ESRRA: variants seen among roughly 807,000 people sequenced by gnomAD.
The protein encoded by ESRRA is estrogen related receptor alpha, also known as steroid hormone receptor ERR1.
ESRRA carries 7 observed loss-of-function variants against 35.6 expected under a neutral mutation model. The ratio of observed to expected loss-of-function variants is 0.20; its 90% CI spans 0.11 to 0.37. The LOEUF (loss-of-function observed/expected upper bound fraction) is 0.37, where lower values mean the gene tolerates loss of function less well. Among genes scored for constraint, ESRRA ranks in the 10% least tolerant of loss-of-function variants. The pLI is 1.00. For missense variants in ESRRA, 378 were observed against 561.7 expected, an observed-to-expected ratio of 0.67 and a Z score of 3.31; for synonymous variants, 223 against 246.9, an observed-to-expected ratio of 0.90 and a Z score of 0.91.
intron 2 of ESRRA, among the ~76,000 whole-genome samples, chr11:64,310,141 G>A (rs1277263359): frequency 3.9e-5 from 6 of 151,994 alleles, no homozygotes; most frequent in Non-Finnish European, 5.9e-5. Context: ...TAGGTCCAGA[G>A]CTGAGCTCTT....
At chr11:64,314,666 ACTGTGGGAAGATG>A (rs776240911) in intron 4 of ESRRA, 62 bp from the exon 5 acceptor site, 5 of 1,422,170 alleles carry the variant, frequency 3.5e-6, no homozygotes, top group African/African-American at 1.4e-5. Context: ...AGGGGGAGCC[ACTGTGGGAAGATG>A]CTTGACCCCT....
At position 64,316,722 on chromosome 11, in the gene ESRRA, T is replaced by A. The variant is rs1159552492; in HGVS notation, c.*756T>A. The A allele has an allele frequency of 7.8e-6, 5 of 637,050 alleles. No homozygotes were observed. Among genetic ancestry groups the A allele is most frequent in the African/African-American group, 1.8e-5 (1 of 54,252 alleles). 39.5% of individuals were successfully genotyped at this position (637,050 alleles called of 1,614,324 possible). A position where few individuals can be genotyped will look rare whatever the true frequency, so the allele number is the denominator to read the frequency against. The stretch of plus-strand genomic sequence containing the variant: ...TTTTAAACCTTTAATGAGAAAAAAA[T>A]ATATAATACCGAGCTCAAAAACACT... On this transcript the variant is annotated 3_prime_UTR_variant, in exon 7 of 7. Coordinates refer to ENST00000000442, the MANE Select transcript of ESRRA (RefSeq NM_004451.5).
chr11:64,315,011 G>A lies in ESRRA; in HGVS notation c.753G>A (p.Ser251=), dbSNP rs761646843. The change falls in exon 6 of 7, where the codon TCG becomes TCA. Residue 251 remains serine (S), a synonymous_variant. Transcript: ENST00000000442. ...CCCGCTGCCCCCTAGGCTTCTCATC[G>A]CTGTCGCTGTCTGACCAGATGTCAG... The part of the protein sequence containing the change: ...SWAKSIPGFS[S]LSLSDQMSVL... 382 of 1,592,950 alleles carry A rather than the reference G, an allele frequency of 2.4e-4. No homozygotes were observed. Among genetic ancestry groups the A allele is most frequent in the Non-Finnish European group, 3.2e-4 (369 of 1,169,466 alleles).
At position 64,314,381 on chromosome 11, in the gene ESRRA, G is replaced by A; in HGVS notation, c.571+14G>A. The A allele has an allele frequency of 1.3e-6, 2 of 1,540,392 alleles. No homozygotes were observed. Among genetic ancestry groups the A allele is most frequent in the Non-Finnish European group, 8.8e-7 (1 of 1,140,796 alleles). The stretch of plus-strand genomic sequence containing the variant: ...CCCGGAAGACAGGTGAGAGCACTGT[G>A]GGTACCTGGGGCTACGAAACCGGAG... On this transcript the variant is annotated intron_variant, in intron 4 of 6. Coordinates refer to ENST00000000442, the MANE Select transcript of ESRRA (RefSeq NM_004451.5).
chr11:64,314,661 G>T (rs1369276158), intron 4 of ESRRA, 80 bp from the exon 5 acceptor site: 37 of 1,383,332 alleles, frequency 2.7e-5, no homozygotes, highest in Non-Finnish European at 3.6e-5. Flanking sequence ...GCCACAGGGG[G>T]AGCCACTGTG....
In ESRRA at chr11:64,316,593, G is replaced by A. The variant is rs369242666; in HGVS notation, c.*627G>A. 1 of 427,510 alleles carries A rather than the reference G, an allele frequency of 2.3e-6. No individual in the cohort carries two copies. The highest frequency in any genetic ancestry group is 4.0e-5 in the Admixed American group (1 of 25,232). 26.5% of individuals were successfully genotyped at this position (427,510 alleles called of 1,614,324 possible). ...AACACTATATTTATTTTTGGGTTTG[G>A]CCAGGGAGGCGCAGGGACATGGGGC... On this transcript the variant is annotated 3_prime_UTR_variant, in exon 7 of 7. Transcript: ENST00000000442.
In ESRRA at chr11:64,316,230, C is replaced by G. The variant is rs1230595687; in HGVS notation, c.*264C>G. Reference sequence around the variant, plus strand: ...TGCCCCCAGAGTGTAGGGGGCCTTGCGGAAGCCATAGGGGGCTGCACGGGA... The same window carrying G: ...TGCCCCCAGAGTGTAGGGGGCCTTGGGGAAGCCATAGGGGGCTGCACGGGA... On this transcript the variant is annotated 3_prime_UTR_variant, in exon 7 of 7. Transcript: ENST00000000442. 2 of 412,970 alleles carry G rather than the reference C, an allele frequency of 4.8e-6. No homozygotes were observed. Among genetic ancestry groups the G allele is most frequent in the East Asian group, 3.8e-5 (1 of 26,002 alleles). 25.6% of individuals were successfully genotyped at this position (412,970 alleles called of 1,614,324 possible). A position where few individuals can be genotyped will look rare whatever the true frequency, so the allele number is the denominator to read the frequency against.
intron 2 of ESRRA, among the ~76,000 whole-genome samples, chr11:64,311,775 C>T (rs2035144678): frequency 6.6e-6 from 1 of 151,654 alleles, no homozygotes. Flanking sequence ...TTACTGCAAC[C>T]TCCGCCTCCC....
chr11:64,309,604 G>A (rs2035100857), intron 2 of ESRRA, among the ~76,000 whole-genome samples: 1 of 149,426 alleles, frequency 6.7e-6, no homozygotes, highest in Non-Finnish European at 1.5e-5. Context: ...TGTAACCATT[G>A]GTTACTTTGG....
At chr11:64,311,982 C>CATTTTTTTTTTT in intron 2 of ESRRA, among the ~76,000 whole-genome samples, 1 of 68,402 alleles carries the variant, frequency 1.5e-5, no homozygotes, top group African/African-American at 5.1e-5. Context: ...TGCGCCTGGC[C>CATTTTTTTTTTT]TTTTTTTTTT....
chr11:64,315,585 T>C (rs2035232800), intron 6 of ESRRA, 122 bp from the exon 7 acceptor site: 4 of 1,364,650 alleles, frequency 2.9e-6, no homozygotes, highest in Non-Finnish European at 4.1e-6. Flanking sequence ...TGCCTCTCAG[T>C]CAGCCAATCA....
In ESRRA at chr11:64,307,413, C is replaced by T. The variant is rs1487615163; in HGVS notation, c.234C>T (p.Leu78=). ...KLVLSSLPKR[L]CLVCGDVASG... ...TGCTCAGCTCCCTGCCCAAGCGCCT[C>T]TGCCTGGTCTGTGGGGACGTGGCCT... is the stretch of plus-strand genomic sequence containing the variant. The change falls in exon 2 of 7, where the codon CTC becomes CTT. Residue 78 remains leucine (L), a synonymous_variant. Coordinates refer to ENST00000000442, the MANE Select transcript of ESRRA (RefSeq NM_004451.5). 2 of 1,585,550 alleles carry T rather than the reference C, an allele frequency of 1.3e-6. No individual in the cohort carries two copies. The highest frequency in any genetic ancestry group is 1.3e-5 in the African/African-American group (1 of 74,268).
Position 64,305,654 on chromosome 11 carries a change from G to A in ESRRA, c.-95G>A, listed in dbSNP as rs1405787981. ...CGGCCCGAGGAGGCGGCGGAGGAGG[G>A]GCCGCCCGCGGCCCCCGGCTCACTC... is the stretch of plus-strand genomic sequence containing the variant. On this transcript the variant is annotated 5_prime_UTR_variant, in exon 1 of 7. Coordinates refer to ENST00000000442, the MANE Select transcript of ESRRA (RefSeq NM_004451.5). This position sits in a 1 kb window ranked among gnomAD's most constrained non-coding sequence, Gnocchi z 5.8. 2 of 149,740 alleles carry A rather than the reference G, an allele frequency of 1.3e-5. No individual in the cohort carries two copies. Among genetic ancestry groups the A allele is most frequent in the African/African-American group, 4.9e-5 (2 of 41,042 alleles). 9.3% of individuals were successfully genotyped at this position (149,740 alleles called of 1,614,324 possible). A position where few individuals can be genotyped will look rare whatever the true frequency, so the allele number is the denominator to read the frequency against.
chr11:64,311,466 A>G (rs1433030042), intron 2 of ESRRA, among the ~76,000 whole-genome samples: 2 of 148,586 alleles, frequency 1.3e-5, no homozygotes, highest in Non-Finnish European at 3.0e-5. Flanking sequence ...CCCAGGCTAG[A>G]GTCCAGTGGC....
intron 4 of ESRRA, 37 bp downstream of exon 4, chr11:64,314,404 G>A: frequency 1.3e-6 from 2 of 1,511,426 alleles, no homozygotes; most frequent in Non-Finnish European, 1.8e-6. Context: ...TACGAAACCG[G>A]AGGCCTATGT....
chr11:64,315,989 G>A lies in ESRRA; in HGVS notation c.*23G>A. On this transcript the variant is annotated 3_prime_UTR_variant, in exon 7 of 7. Coordinates refer to ENST00000000442, the MANE Select transcript of ESRRA (RefSeq NM_004451.5). ...TGAGGCAAGGGGTGGGACTGGTGGG[G>A]GTTCTGGCAGGACCTGCCTAGCATG... 1.3e-6 allele frequency: 2 copies of A among 1,543,664 alleles called. No individual in the cohort carries two copies. The highest frequency in any genetic ancestry group is 1.8e-6 in the Non-Finnish European group (2 of 1,140,672).
At chr11:64,312,157 C>T (rs1189135093) in intron 2 of ESRRA, among the ~76,000 whole-genome samples, 5 of 135,156 alleles carry the variant, frequency 3.7e-5, no homozygotes, top group Non-Finnish European at 4.8e-5. Context: ...TTTTTTTTTT[C>T]GAGATGGAGT....
intron 2 of ESRRA, among the ~76,000 whole-genome samples, chr11:64,309,611 T>C (rs2135252051): frequency 6.6e-6 from 1 of 150,996 alleles, no homozygotes; most frequent in African/African-American, 2.4e-5. Flanking sequence ...ATTGGTTACT[T>C]TGGGGGCTAT....
rs1287746725 is a variant in ESRRA, at chr11:64,315,211, C to T, written c.953C>T (p.Ala318Val). 6.2e-7 allele frequency: 1 copy of T among 1,610,136 alleles called. No individual in the cohort carries two copies. The highest frequency in any genetic ancestry group is 1.1e-5 in the South Asian group (1 of 90,660). Residue 318 changes from alanine to valine, a missense_variant, in exon 6 of 7, where the codon GCC (alanine) becomes GTC (valine). Ala to Val is a moderately conservative substitution (Grantham distance 64, BLOSUM62 0). Coordinates refer to ENST00000000442, the MANE Select transcript of ESRRA (RefSeq NM_004451.5). ...ALLQLVRRLQ[A>V]LRLEREEYVL... ...CTGCAACTAGTGCGGCGGCTGCAGG[C>T]CCTGCGGCTGGAGCGAGAGGAGTAT...
Sources: gnomAD v4.1 joint callset for allele counts (sites outside exome capture counted in the v4.1 genomes callset) on GRCh38, gnomAD v4.1.1 for gene constraint, Gnocchi (gnomAD v3.1) non-coding constraint, MANE v1.5 for transcripts, NCBI Gene and HGNC (gene_info 2026-07-23, HGNC 2026-07-21) for gene names.